APELA: variants seen among roughly 807,000 people sequenced by gnomAD.
The protein encoded by APELA is protein Elabela.
chr4:164,878,681 G>A (rs13120303), intron 1 of APELA, among the ~76,000 whole-genome samples: 80,631 of 151,986 alleles, frequency 0.53, 21,569 homozygotes, highest in African/African-American at 0.57. Flanking sequence ...ATGTTGCTAT[G>A]TTGCTCAACG....
At chr4:164,884,434 T>C (rs1430254144) in intron 2 of APELA, among the ~76,000 whole-genome samples, 2 of 152,228 alleles carry the variant, frequency 1.3e-5, no homozygotes, top group African/African-American at 4.8e-5. Context: ...TGAATGTGTT[T>C]CAGTCCTGAT....
intron 2 of APELA, among the ~76,000 whole-genome samples, chr4:164,883,476 T>C (rs988785907): frequency 6.7e-6 from 1 of 149,912 alleles, no homozygotes; most frequent in African/African-American, 2.5e-5. Flanking sequence ...GTTCCCTTTC[T>C]AGTCTTTCTT....
At chr4:164,891,109 G>C (rs6831630) in intron 2 of APELA, among the ~76,000 whole-genome samples, 1 of 151,978 alleles carries the variant, frequency 6.6e-6, no homozygotes, top group Non-Finnish European at 1.5e-5. Context: ...ATATATATAT[G>C]TGTGTGTATA....
chr4:164,879,033 C>G (rs899948718), intron 2 of APELA, 24 bp downstream of exon 2: 5 of 398,724 alleles, frequency 1.3e-5, no homozygotes, highest in African/African-American at 2.1e-5. Flanking sequence ...AAAATAGATT[C>G]GCTACATTTA....
At chr4:164,887,237 T>C (rs1173712772) in intron 2 of APELA, among the ~76,000 whole-genome samples, 1 of 152,182 alleles carries the variant, frequency 6.6e-6, no homozygotes, top group African/African-American at 2.4e-5. Flanking sequence ...ATCTAAAATT[T>C]CTTTTTAGCA....
chr4:164,898,382 A>C (rs1041156366), downstream of APELA, among the ~76,000 whole-genome samples: 3 of 151,058 alleles, frequency 2.0e-5, no homozygotes, highest in Non-Finnish European at 4.4e-5. Flanking sequence ...GGTGCCTGTA[A>C]TCCCAGCTAC....
At chr4:164,897,816 C>T (rs1441129629), downstream of APELA, among the ~76,000 whole-genome samples, 5 of 152,186 alleles carry the variant, frequency 3.3e-5, no homozygotes, top group Admixed American at 1.3e-4. Context: ...CTTTTATTCA[C>T]CGGGAGGTAA....
At position 164,894,861 on chromosome 4, in the gene APELA, G is replaced by A. The variant is rs578119972; in HGVS notation, c.*2-555G>A. ...TTATGTTCAAATTTAGGCAATCCGA[G>A]TTGAGAGAAATGATTCCAGAAGAGG... On this transcript the variant is annotated intron_variant, in intron 2 of 2. Coordinates refer to ENST00000507152, the MANE Select transcript of APELA (RefSeq NM_001297550.2). 1.2e-4 allele frequency among the ~76,000 whole-genome samples: 19 copies of A among 152,316 alleles called. No individual in the cohort carries two copies. In the South Asian group the frequency reaches 3.9e-3, roughly 32 times the overall value.
downstream of APELA, among the ~76,000 whole-genome samples, chr4:164,898,239 C>T (rs1198553994): frequency 7.3e-5 from 11 of 151,458 alleles, no homozygotes; most frequent in South Asian, 2.1e-4. Context: ...TGGTGGCTCA[C>T]ACCTGTAATC....
At chr4:164,882,861 C>A (rs186723090) in intron 2 of APELA, among the ~76,000 whole-genome samples, 108 of 151,936 alleles carry the variant, frequency 7.1e-4, no homozygotes, top group African/African-American at 2.4e-3. Flanking sequence ...TTTGCCCTTG[C>A]GATAGTTTGC....
At chr4:164,889,897 T>A (rs1012686912) in intron 2 of APELA, among the ~76,000 whole-genome samples, 1 of 152,204 alleles carries the variant, frequency 6.6e-6, no homozygotes, top group African/African-American at 2.4e-5. Flanking sequence ...TTATAAGTAA[T>A]CTGCAAACAA....
chr4:164,881,614 C>T (rs57145749), intron 2 of APELA, among the ~76,000 whole-genome samples: 2,914 of 151,806 alleles, frequency 0.019, 83 homozygotes, highest in African/African-American at 0.066. Flanking sequence ...GAAGGGGTGT[C>T]AGGAAATGCA....
At chr4:164,888,575 G>A (rs1365888887) in intron 2 of APELA, among the ~76,000 whole-genome samples, 1 of 152,142 alleles carries the variant, frequency 6.6e-6, no homozygotes, top group Non-Finnish European at 1.5e-5. Flanking sequence ...CAGTTTGTGG[G>A]TCAAAGCATT....
chr4:164,896,611 T>C lies in APELA; in HGVS notation c.*1197T>C, dbSNP rs1444230623. On this transcript the variant is annotated 3_prime_UTR_variant, in exon 3 of 3. Transcript: ENST00000507152. ...TAAAAAATCAGAAGGAATTTAGGGA[T>C]ATGATTACTCAAAAAAGAAACTATC... is the stretch of plus-strand genomic sequence containing the variant. 1 of 152,080 alleles carries C rather than the reference T, an allele frequency of 6.6e-6. No individual in the cohort carries two copies. Among genetic ancestry groups the C allele is most frequent in the African/African-American group, 2.4e-5 (1 of 41,408 alleles). 9.4% of individuals were successfully genotyped at this position (152,080 alleles called of 1,614,324 possible).
At chr4:164,879,260 T>C (rs1171592963) in intron 2 of APELA, 2 of 323,442 alleles carry the variant, frequency 6.2e-6, no homozygotes, top group Non-Finnish European at 1.1e-5. Flanking sequence ...TGAATCTGAG[T>C]AACAGCTATT....
In APELA at chr4:164,897,342, G is replaced by A. The variant is rs1730997336; in HGVS notation, c.*1928G>A. The stretch of plus-strand genomic sequence containing the variant: ...TTATGTTTAAAACATGTACTGGTTT[G>A]TATATTTTGTACTGAAAAAGAAAAC... On this transcript the variant is annotated 3_prime_UTR_variant, in exon 3 of 3. Coordinates refer to ENST00000507152, the MANE Select transcript of APELA (RefSeq NM_001297550.2). 1 of 152,094 alleles carries A rather than the reference G, an allele frequency of 6.6e-6. No individual in the cohort carries two copies. Among genetic ancestry groups the A allele is most frequent in the Non-Finnish European group, 1.5e-5 (1 of 68,010 alleles). 9.4% of individuals were successfully genotyped at this position (152,094 alleles called of 1,614,324 possible).
chr4:164,889,130 A>G (rs13108596), intron 2 of APELA, among the ~76,000 whole-genome samples: 28,627 of 150,562 alleles, frequency 0.19, 2,857 homozygotes, highest in African/African-American at 0.24. Flanking sequence ...CAGCCCCCCA[A>G]TAACTTCTTT....
At chr4:164,885,351 G>A (rs536965115) in intron 2 of APELA, among the ~76,000 whole-genome samples, 159 of 152,094 alleles carry the variant, frequency 1.0e-3, no homozygotes, top group Non-Finnish European at 1.8e-3. Context: ...GGTTGGTCTC[G>A]AACTCCTGAC....
At position 164,890,161 on chromosome 4, in the gene APELA, C is replaced by T. The variant is rs550136450; in HGVS notation, c.*2-5255C>T. Among the ~76,000 whole-genome samples the T allele has an allele frequency of 2.0e-5, 3 of 152,206 alleles. No individual in the cohort carries two copies. In the East Asian group the frequency reaches 5.8e-4, roughly 29 times the overall value. On this transcript the variant is annotated intron_variant, in intron 2 of 2. Coordinates refer to ENST00000507152, the MANE Select transcript of APELA (RefSeq NM_001297550.2). ...AACGCTGCAGTGAATGGCATGCATA[C>T]GTATTTGAACATATGTACACTTATT...
Sources: gnomAD v4.1 joint callset for allele counts (sites outside exome capture counted in the v4.1 genomes callset) on GRCh38, gnomAD v4.1.1 for gene constraint, MANE v1.5 for transcripts, NCBI Gene and HGNC (gene_info 2026-07-23, HGNC 2026-07-21) for gene names.